Variants in EVX2 observed in about 807,000 individuals in gnomAD.
The protein encoded by EVX2 is homeobox even-skipped homolog protein 2.
Under a neutral mutation model 19.2 loss-of-function variants are expected in EVX2, and 10 were observed. The ratio of observed to expected loss-of-function variants is 0.52; its 90% CI spans 0.32 to 0.89. The LOEUF (loss-of-function observed/expected upper bound fraction) is 0.89, where lower values mean the gene tolerates loss of function less well. Among genes scored for constraint, EVX2 ranks in the 40% least tolerant of loss-of-function variants. The probability of loss-of-function intolerance (pLI) is 0.03; values close to 1 mark genes in which losing one functional copy is unlikely to be tolerated. For synonymous variants in EVX2, 354 were observed against 328.4 expected (o/e 1.08, Z -0.84); for missense variants, 710 against 694.9 (o/e 1.02, Z -0.24).
In EVX2 at chr2:176,082,981, A is replaced by C. The variant is rs1689169607; in HGVS notation, c.427+369T>G. On this transcript the variant is annotated intron_variant, in intron 1 of 2. Coordinates refer to ENST00000308618, the MANE Select transcript of EVX2 (RefSeq NM_001080458.2). This position sits in a 1 kb window ranked among gnomAD's most constrained non-coding sequence, Gnocchi z 5.2. ...GAATGCCCCCTCCAGCCCTGAGGGC[A>C]CAGGGGCAGGGGAGTTCAGAGTAGT... is the stretch of plus-strand genomic sequence containing the variant. Among the ~76,000 whole-genome samples, 1 of 152,244 alleles carries C rather than the reference A, an allele frequency of 6.6e-6. No homozygotes were observed. The highest frequency in any genetic ancestry group is 1.5e-5 in the Non-Finnish European group (1 of 68,032).
At position 176,080,763 on chromosome 2, in the gene EVX2, TG is replaced by T; in HGVS notation, c.774del (p.Ser259AlafsTer6). On this transcript the variant is annotated frameshift_variant, in exon 3 of 3. Coordinates refer to ENST00000308618, the MANE Select transcript of EVX2 (RefSeq NM_001080458.2). LOFTEE classifies it low-confidence loss of function (END_TRUNC). This position sits in a 1 kb window ranked among gnomAD's most constrained non-coding sequence, Gnocchi z 7.0. ...LAMSWPHPAD[P>X]SFYTYMMTHA... Reference sequence around the variant, plus strand: ...TGCGTCATCATGTAGGTGTAGAAGCTGGGGTCGGCTGGGTGCGGCCAGGACA... The same window carrying T: ...TGCGTCATCATGTAGGTGTAGAAGCTGGGTCGGCTGGGTGCGGCCAGGACA... 2 of 1,610,494 alleles carry T rather than the reference TG, an allele frequency of 1.2e-6. No homozygotes were observed. The highest frequency in any genetic ancestry group is 8.5e-7 in the Non-Finnish European group (1 of 1,179,396).
chr2:176,079,155 G>T lies in EVX2; in HGVS notation c.*952C>A, dbSNP rs1048842910. ...ATTCAAGTATTTCCCAGATCGAGTG[G>T]AACCCGGTAGTTGGAAAACTGAGCT... On this transcript the variant is annotated 3_prime_UTR_variant, in exon 3 of 3. Transcript: ENST00000308618. This position sits in a 1 kb window ranked among gnomAD's most constrained non-coding sequence, Gnocchi z 4.4. 5 of 152,292 alleles carry T rather than the reference G, an allele frequency of 3.3e-5. No homozygotes were observed. Among genetic ancestry groups the T allele is most frequent in the Middle Eastern group, 3.4e-3 (1 of 296 alleles). 9.4% of individuals were successfully genotyped at this position (152,292 alleles called of 1,614,324 possible).
In EVX2 at chr2:176,081,575, C is replaced by T. The variant is rs542985032; in HGVS notation, c.699+603G>A. Among the ~76,000 whole-genome samples, 1 of 152,106 alleles carries T rather than the reference C, an allele frequency of 6.6e-6. No individual in the cohort carries two copies. The highest frequency in any genetic ancestry group is 2.4e-5 in the African/African-American group (1 of 41,426). ...ACGCTCCATGAAGGGCTCACCAAAT[C>T]GCCTAACCTCCCGGCTATCTCTCCC... On this transcript the variant is annotated intron_variant, in intron 2 of 2. Transcript: ENST00000308618. This position sits in a 1 kb window ranked among gnomAD's most constrained non-coding sequence, Gnocchi z 5.9.
Position 176,080,942 on chromosome 2 carries a change from ACTT to A in EVX2, c.700-107_700-105del. On this transcript the variant is annotated intron_variant, in intron 2 of 2. Coordinates refer to ENST00000308618, the MANE Select transcript of EVX2 (RefSeq NM_001080458.2). This position sits in a 1 kb window ranked among gnomAD's most constrained non-coding sequence, Gnocchi z 7.0. Reference sequence around the variant, plus strand: ...TCCGGACCTCTGAATGGCTTGGTCTACTTCTCTCCGACCAAGCCCAACCCCGAG... The same window carrying A: ...TCCGGACCTCTGAATGGCTTGGTCTACTCTCCGACCAAGCCCAACCCCGAG... The A allele has an allele frequency of 2.9e-6, 4 of 1,390,572 alleles. No individual in the cohort carries two copies. The highest frequency in any genetic ancestry group is 3.8e-6 in the Non-Finnish European group (4 of 1,050,606). The allele number at this position is 1,390,572 out of a possible 1,614,324, so 86.1% of individuals were successfully genotyped here. A position where few individuals can be genotyped will look rare whatever the true frequency, so the allele number is the denominator to read the frequency against.
chr2:176,080,036 C>A lies in EVX2; in HGVS notation c.*71G>T. The stretch of plus-strand genomic sequence containing the variant: ...AGCAGCGGGCAACGCGCGGAGGGCT[C>A]AGGGGGCGCACAGGGGACTCCCGGG... On this transcript the variant is annotated 3_prime_UTR_variant, in exon 3 of 3. Transcript: ENST00000308618. This position sits in a 1 kb window ranked among gnomAD's most constrained non-coding sequence, Gnocchi z 7.0. 9 of 1,394,234 alleles carry A rather than the reference C, an allele frequency of 6.5e-6. No homozygotes were observed. The highest frequency in any genetic ancestry group is 1.7e-5 in the South Asian group (1 of 60,340). The allele number at this position is 1,394,234 out of a possible 1,614,324, so 86.4% of individuals were successfully genotyped here.
chr2:176,082,202 G>A lies in EVX2; in HGVS notation c.675C>T (p.Leu225=), dbSNP rs555078228. Residue 225 remains leucine, a synonymous_variant, in exon 2 of 3, where the codon CTC becomes CTT. Coordinates refer to ENST00000308618, the MANE Select transcript of EVX2 (RefSeq NM_001080458.2). The surrounding 1 kb of genome is among the most constrained non-coding windows in gnomAD (Gnocchi z 5.2). ...RPRRCELAAA[L]NLPETTIKVW... ...CCTTGATGGTGGTTTCGGGCAGGTT[G>A]AGTGCCGCGGCCAGCTCGCACCGGC... 133 of 1,597,978 alleles carry A rather than the reference G, an allele frequency of 8.3e-5. No individual in the cohort carries two copies. In the Middle Eastern group the frequency reaches 1.2e-3, roughly 14 times the overall value.
Position 176,083,951 on chromosome 2 carries a change from C to T in EVX2, c.-175G>A. On this transcript the variant is annotated 5_prime_UTR_variant, in exon 1 of 3. Transcript: ENST00000308618. The surrounding 1 kb of genome is among the most constrained non-coding windows in gnomAD (Gnocchi z 4.4). ...GCGAGGGAATGACTGGTCAAAATGA[C>T]CCATACATCCTTCCGATCCCGAGAT... is the stretch of plus-strand genomic sequence containing the variant. 2 of 607,570 alleles carry T rather than the reference C, an allele frequency of 3.3e-6. No homozygotes were observed. The highest frequency in any genetic ancestry group is 3.0e-5 in the Admixed American group (1 of 33,556). 37.6% of individuals were successfully genotyped at this position (607,570 alleles called of 1,614,324 possible). A position where few individuals can be genotyped will look rare whatever the true frequency, so the allele number is the denominator to read the frequency against.
chr2:176,081,063 C>T lies in EVX2; in HGVS notation c.700-225G>A, dbSNP rs1169320367. 1.3e-5 allele frequency among the ~76,000 whole-genome samples: 2 copies of T among 152,196 alleles called. No homozygotes were observed. The highest frequency in any genetic ancestry group is 1.3e-4 in the Admixed American group (2 of 15,292). On this transcript the variant is annotated intron_variant, in intron 2 of 2. Transcript: ENST00000308618. The surrounding 1 kb of genome is among the most constrained non-coding windows in gnomAD (Gnocchi z 5.9). ...TCAACGAAGAGGGTCCTCTCCCCCG[C>T]GTCCGGCTGCTGCTGCTCCTCAGGC...
rs201759544 is a variant in EVX2, at chr2:176,083,766, C to A, written c.11G>T (p.Arg4Ile). MME[R>I]IRKEMILMER... ...CATCAGAATCATCTCTTTTCTTATT[C>A]TTTCCATCATCTCAGCTTTCTTAAA... is the stretch of plus-strand genomic sequence containing the variant. Residue 4 changes from arginine (R) to isoleucine (I), a missense_variant, in exon 1 of 3, where the codon AGA (arginine) becomes ATA (isoleucine). Arg to Ile is a moderately conservative substitution (Grantham distance 97, BLOSUM62 -3). Coordinates refer to ENST00000308618, the MANE Select transcript of EVX2 (RefSeq NM_001080458.2). The surrounding 1 kb of genome is among the most constrained non-coding windows in gnomAD (Gnocchi z 4.4). 421 of 1,609,410 alleles carry A rather than the reference C, an allele frequency of 2.6e-4. No individual in the cohort carries two copies. The highest frequency in any genetic ancestry group is 3.4e-4 in the Non-Finnish European group (403 of 1,177,806).
At position 176,082,105 on chromosome 2, in the gene EVX2, G is replaced by A; in HGVS notation, c.699+73C>T. 4 of 1,440,314 alleles carry A rather than the reference G, an allele frequency of 2.8e-6. No homozygotes were observed. The South Asian group carries it at 5.8e-5, about 21-fold the overall frequency. 89.2% of individuals were successfully genotyped at this position (1,440,314 alleles called of 1,614,324 possible). On this transcript the variant is annotated intron_variant, in intron 2 of 2. Transcript: ENST00000308618. This position sits in a 1 kb window ranked among gnomAD's most constrained non-coding sequence, Gnocchi z 5.2. ...GCTAAATCTAGCCACCCAGAAAGGG[G>A]AAAGGGGAAAAAGAAACAATCAACC...
Position 176,083,327 on chromosome 2 carries a change from C to G in EVX2, c.427+23G>C. 1 of 1,552,992 alleles carries G rather than the reference C, an allele frequency of 6.4e-7. No individual in the cohort carries two copies. The highest frequency in any genetic ancestry group is 1.2e-5 in the South Asian group (1 of 84,680). ...GAGCAAAGAGGATGGGACTGGAGAGCGCGGTGCGGCCGGCGCGGTTACCTT... is the reference window on the plus strand; with the variant it reads ...GAGCAAAGAGGATGGGACTGGAGAGGGCGGTGCGGCCGGCGCGGTTACCTT... On this transcript the variant is annotated intron_variant, in intron 1 of 2. Transcript: ENST00000308618. This position sits in a 1 kb window ranked among gnomAD's most constrained non-coding sequence, Gnocchi z 4.4.
rs1689106959 is a variant in EVX2 at position 176,080,052 on chromosome 2, G to A, written c.*55C>T. On this transcript the variant is annotated 3_prime_UTR_variant, in exon 3 of 3. Coordinates refer to ENST00000308618, the MANE Select transcript of EVX2 (RefSeq NM_001080458.2). The surrounding 1 kb of genome is among the most constrained non-coding windows in gnomAD (Gnocchi z 7.0). ...CGGAGGGCTCAGGGGGCGCACAGGG[G>A]ACTCCCGGGCACACTCAGAGAGGCG... The A allele has an allele frequency of 9.5e-6, 14 of 1,471,556 alleles. No individual in the cohort carries two copies. The highest frequency in any genetic ancestry group is 9.0e-6 in the Non-Finnish European group (10 of 1,109,192). The allele number at this position is 1,471,556 out of a possible 1,614,324, so 91.2% of individuals were successfully genotyped here.
In EVX2 at chr2:176,082,723, C is replaced by T. The variant is rs191720796; in HGVS notation, c.428-274G>A. Among the ~76,000 whole-genome samples, 59 of 152,336 alleles carry T rather than the reference C, an allele frequency of 3.9e-4. No homozygotes were observed. The highest frequency in any genetic ancestry group is 1.4e-3 in the African/African-American group (57 of 41,574). ...AAAAGTGGCCGAGGGAAAATGCCTA[C>T]CTCTGGGCGCAGTTTGGGAAGCTCT... is the stretch of plus-strand genomic sequence containing the variant. On this transcript the variant is annotated intron_variant, in intron 1 of 2. Transcript: ENST00000308618. The surrounding 1 kb of genome is among the most constrained non-coding windows in gnomAD (Gnocchi z 5.2).
chr2:176,080,678 T>C lies in EVX2; in HGVS notation c.860A>G (p.Tyr287Cys). The change falls in exon 3 of 3, where the codon TAC (tyrosine) becomes TGC (cysteine). Residue 287 changes from tyrosine to cysteine, a missense_variant. By Grantham distance (194) the Tyr-to-Cys change is radical (BLOSUM62 -2). Transcript: ENST00000308618. This position sits in a 1 kb window ranked among gnomAD's most constrained non-coding sequence, Gnocchi z 7.0. ...CGCCGCCGTGACGCCCACGTGCGGG[T>C]AGTAGTGCAGCGGCACGTGCGAGTG... ...PFHSHVPLHY[Y>C]PHVGVTAAAA... The C allele has an allele frequency of 6.3e-7, 1 of 1,594,714 alleles. No homozygotes were observed. Among genetic ancestry groups the C allele is most frequent in the East Asian group, 2.3e-5 (1 of 44,352 alleles).
Position 176,080,363 on chromosome 2 carries a change from C to T in EVX2, c.1175G>A (p.Cys392Tyr). The T allele has an allele frequency of 8.1e-7, 1 of 1,236,704 alleles. No homozygotes were observed. The highest frequency in any genetic ancestry group is 2.0e-5 in the South Asian group (1 of 50,790). 76.6% of individuals were successfully genotyped at this position (1,236,704 alleles called of 1,614,324 possible). A position where few individuals can be genotyped will look rare whatever the true frequency, so the allele number is the denominator to read the frequency against. The change falls in exon 3 of 3, where the codon TGC (cysteine) becomes TAC (tyrosine). Residue 392 changes from cysteine to tyrosine, a missense_variant. Transcript: ENST00000308618. The surrounding 1 kb of genome is among the most constrained non-coding windows in gnomAD (Gnocchi z 7.0). Reference sequence around the variant, plus strand: ...TGCCGCCGCCGACTGACTGCTGTGGCAACTGAGGCACGAGCAGGGTGCAGA... The same window carrying T: ...TGCCGCCGCCGACTGACTGCTGTGGTAACTGAGGCACGAGCAGGGTGCAGA... The part of the protein sequence containing the change: ...GGSAPCSCLS[C>Y]HSSQSAAAAA...
At position 176,080,578 on chromosome 2, in the gene EVX2, G is replaced by A. The variant is rs1157970305; in HGVS notation, c.960C>T (p.Asp320=). 4 of 1,533,804 alleles carry A rather than the reference G, an allele frequency of 2.6e-6. No homozygotes were observed. The highest frequency in any genetic ancestry group is 3.5e-6 in the Non-Finnish European group (4 of 1,155,218). Residue 320 remains aspartate, a synonymous_variant, in exon 3 of 3, where the codon GAC becomes GAT. Transcript: ENST00000308618. The surrounding 1 kb of genome is among the most constrained non-coding windows in gnomAD (Gnocchi z 7.0). ...SPFATSIRPL[D]TFRALSHPYS... Reference sequence around the variant, plus strand: ...AGGGGTGCGAGAGGGCGCGGAAGGTGTCCAGTGGCCGGATGGAAGTAGCGA... The same window carrying A: ...AGGGGTGCGAGAGGGCGCGGAAGGTATCCAGTGGCCGGATGGAAGTAGCGA...
chr2:176,083,395 G>A lies in EVX2; in HGVS notation c.382C>T (p.Pro128Ser), dbSNP rs1243099372. ...AGCTGAGCGGCGCCGAGGCCCCCGGGGGAGCGAAGCGCGGAGCAGCCCACC... is the reference window on the plus strand; with the variant it reads ...AGCTGAGCGGCGCCGAGGCCCCCGGAGGAGCGAAGCGCGGAGCAGCCCACC... ...VEVGCSALRS[P>S]GGLGAAQLKE... Residue 128 changes from proline (P) to serine (S), a missense_variant, in exon 1 of 3, where the codon CCC becomes TCC. Pro to Ser is a moderately conservative substitution (Grantham distance 74, BLOSUM62 -1). Coordinates refer to ENST00000308618, the MANE Select transcript of EVX2 (RefSeq NM_001080458.2). This position sits in a 1 kb window ranked among gnomAD's most constrained non-coding sequence, Gnocchi z 4.4. 1.2e-6 allele frequency: 2 copies of A among 1,612,012 alleles called. No homozygotes were observed. The highest frequency in any genetic ancestry group is 1.7e-6 in the Non-Finnish European group (2 of 1,179,012).
rs183008160 is a variant in EVX2 at position 176,078,744 on chromosome 2, T to C, written c.*1363A>G. On this transcript the variant is annotated 3_prime_UTR_variant, in exon 3 of 3. Transcript: ENST00000308618. ...CTTCCCTTAGCGGGTTGTTAGTACT[T>C]GACAGCAGGTCTCCGTGCGGGGAAC... 1 of 152,346 alleles carries C rather than the reference T, an allele frequency of 6.6e-6. No homozygotes were observed. The highest frequency in any genetic ancestry group is 1.9e-4 in the East Asian group (1 of 5,184). The allele number at this position is 152,346 out of a possible 1,614,324, so 9.4% of individuals were successfully genotyped here.
At position 176,083,359 on chromosome 2, in the gene EVX2, T is replaced by C. The variant is rs1421082747; in HGVS notation, c.418A>G (p.Asn140Asp). ...GLGAAQLKEN[N>D]GKGYAESGSA... ...CGGCCGGCGCGGTTACCTTTGCCAT[T>C]GTTTTCCTTAAGCTGAGCGGCGCCG... The change falls in exon 1 of 3, where the codon AAT (asparagine) becomes GAT (aspartate). Residue 140 changes from asparagine to aspartate, a missense_variant. Asn to Asp is a conservative substitution (Grantham distance 23). Coordinates refer to ENST00000308618, the MANE Select transcript of EVX2 (RefSeq NM_001080458.2). This position sits in a 1 kb window ranked among gnomAD's most constrained non-coding sequence, Gnocchi z 4.4. 6.3e-7 allele frequency: 1 copy of C among 1,591,524 alleles called. No homozygotes were observed. The highest frequency in any genetic ancestry group is 1.1e-5 in the South Asian group (1 of 88,734).
Sources: gnomAD v4.1 joint callset for allele counts (sites outside exome capture counted in the v4.1 genomes callset) on GRCh38, gnomAD v4.1.1 for gene constraint, Gnocchi (gnomAD v3.1) non-coding constraint, MANE v1.5 for transcripts, NCBI Gene and HGNC (gene_info 2026-07-23, HGNC 2026-07-21) for gene names.